Variants in CBLL1 observed in about 807,000 individuals in gnomAD.
CBLL1 encodes Cbl proto-oncogene like 1, also known as E3 ubiquitin-protein ligase Hakai.
In CBLL1, 4 loss-of-function variants were observed where a neutral mutation model predicts 44.9. The ratio of observed to expected loss-of-function variants is 0.09; its 90% CI spans 0.04 to 0.20. The LOEUF (loss-of-function observed/expected upper bound fraction) is 0.20. CBLL1 is among the 10% of genes least tolerant of loss of function. The pLI, the probability that CBLL1 is intolerant of heterozygous loss-of-function variation, is 1.00. For synonymous variants in CBLL1, 235 were observed against 202.2 expected (o/e 1.16, Z -1.38); for missense variants, 569 against 636.7 (o/e 0.89, Z 1.14).
At chr7:107,748,181 G>C (rs951628318) in intron 1 of CBLL1, among the ~76,000 whole-genome samples, 1 of 152,166 alleles carries the variant, frequency 6.6e-6, no homozygotes, top group African/African-American at 2.4e-5. Flanking sequence ...TTTAGACCTA[G>C]TTGTAGTATA....
At chr7:107,756,180 G>C (rs1214737353) in intron 5 of CBLL1, among the ~76,000 whole-genome samples, 1 of 152,146 alleles carries the variant, frequency 6.6e-6, no homozygotes, top group African/African-American at 2.4e-5. Flanking sequence ...GATAAGGAAG[G>C]CTTAAGAAAG....
rs752770951 is a variant in CBLL1, at chr7:107,759,028, A to G, written c.1326A>G (p.Pro442=). 56 of 1,613,724 alleles carry G rather than the reference A, an allele frequency of 3.5e-5. No individual in the cohort carries two copies. Among genetic ancestry groups the G allele is most frequent in the East Asian group, 1.3e-4 (6 of 44,854 alleles). ...FTEDQGTLSP[P]FTQPGGMSPG... ...AAGATCAAGGAACTCTGAGCCCTCC[A>G]TTTACACAACCAGGGGGAATGAGTC... The change falls in exon 6 of 6, where the codon CCA becomes CCG. Residue 442 remains proline (P), a synonymous_variant. Coordinates refer to ENST00000440859, the MANE Select transcript of CBLL1 (RefSeq NM_024814.4).
chr7:107,754,275 TG>T (rs1156650177), intron 4 of CBLL1: 1 of 170,430 alleles, frequency 5.9e-6, no homozygotes, highest in Non-Finnish European at 1.2e-5. Context: ...AGGAAATTTT[TG>T]TTTCTTAATA....
Position 107,753,408 on chromosome 7 carries a change from C to A in CBLL1, c.182-3C>A. ...TTAATGGGCAATACTTTTTTTTTCT[C>A]AGAAGGATTTGATTATAATGAAGAA... On this transcript the variant is annotated splice_polypyrimidine_tract_variant and splice_region_variant and intron_variant, in intron 2 of 5. Transcript: ENST00000440859. 1 of 1,554,320 alleles carries A rather than the reference C, an allele frequency of 6.4e-7. No individual in the cohort carries two copies. The highest frequency in any genetic ancestry group is 8.7e-7 in the Non-Finnish European group (1 of 1,153,938).
At chr7:107,746,129 A>G (rs1793003731) in intron 1 of CBLL1, among the ~76,000 whole-genome samples, 1 of 152,234 alleles carries the variant, frequency 6.6e-6, no homozygotes, top group South Asian at 2.1e-4. Flanking sequence ...TTTTGATGTT[A>G]GAATAGCAAA....
intron 2 of CBLL1, among the ~76,000 whole-genome samples, chr7:107,750,098 C>A (rs1052209376): frequency 1.2e-4 from 18 of 151,886 alleles, no homozygotes; most frequent in African/African-American, 4.4e-4. Flanking sequence ...GTGCACCCCA[C>A]CTGCCTGGCT....
chr7:107,755,260 G>A (rs1303578737), intron 4 of CBLL1, among the ~76,000 whole-genome samples, 158 bp from the exon 5 acceptor site: 2 of 152,056 alleles, frequency 1.3e-5, no homozygotes, highest in African/African-American at 2.4e-5. Context: ...AAGGCTTTGT[G>A]ATTGAAAAAG....
rs751435930 is a variant in CBLL1, at chr7:107,759,277, C to T, written c.*99C>T. On this transcript the variant is annotated 3_prime_UTR_variant, in exon 6 of 6. Coordinates refer to ENST00000440859, the MANE Select transcript of CBLL1 (RefSeq NM_024814.4). ...TTTGGGAAGGAAGAGTACCTCTTAT[C>T]GAGGTAGTATAAAACACATAGGGTC... 37 of 1,044,738 alleles carry T rather than the reference C, an allele frequency of 3.5e-5. No homozygotes were observed. The highest frequency in any genetic ancestry group is 4.8e-5 in the East Asian group (2 of 41,594). The allele number at this position is 1,044,738 out of a possible 1,614,324, so 64.7% of individuals were successfully genotyped here.
chr7:107,750,806 T>A (rs1379199759), intron 2 of CBLL1, among the ~76,000 whole-genome samples: 1 of 152,202 alleles, frequency 6.6e-6, no homozygotes. Flanking sequence ...GCTCATTCAT[T>A]TAAGTATTAT....
chr7:107,753,998 GT>G lies in CBLL1; in HGVS notation c.366+25del. On this transcript the variant is annotated intron_variant, in intron 4 of 5. Transcript: ENST00000440859. ...AGAATGGTAAGTATAATTAAATATTGTTTTTGTAAGTAAGCATTTGCATAGA... is the reference window on the plus strand; with the variant it reads ...AGAATGGTAAGTATAATTAAATATTGTTTTGTAAGTAAGCATTTGCATAGA... The G allele has an allele frequency of 7.0e-7, 1 of 1,438,094 alleles. No homozygotes were observed. The highest frequency in any genetic ancestry group is 1.9e-5 in the Admixed American group (1 of 53,840). 89.1% of individuals were successfully genotyped at this position (1,438,094 alleles called of 1,614,324 possible).
At position 107,758,364 on chromosome 7, in the gene CBLL1, T is replaced by C. The variant is rs1442665430; in HGVS notation, c.662T>C (p.Ile221Thr). Reference protein sequence around the residue: ...PPPTEIPERFIMPPDKHHMSH... With the variant: ...PPPTEIPERFTMPPDKHHMSH... Reference sequence around the variant, plus strand: ...CCAACTGAAATCCCTGAGCGTTTTATAATGCCACCAGACAAGCACCATATG... The same window carrying C: ...CCAACTGAAATCCCTGAGCGTTTTACAATGCCACCAGACAAGCACCATATG... Residue 221 changes from isoleucine (I) to threonine (T), a missense_variant, in exon 6 of 6, where the codon ATA becomes ACA. Ile to Thr is a moderately conservative substitution (Grantham distance 89). This residue lies in a region of CBLL1 where 111 missense variants were observed against 113.0 expected (regional missense o/e 0.98). Coordinates refer to ENST00000440859, the MANE Select transcript of CBLL1 (RefSeq NM_024814.4). The surrounding 1 kb of genome is among the most constrained non-coding windows in gnomAD (Gnocchi z 4.2). The C allele has an allele frequency of 1.2e-6, 2 of 1,614,152 alleles. No homozygotes were observed. The highest frequency in any genetic ancestry group is 1.7e-5 in the Admixed American group (1 of 60,014).
Position 107,761,275 on chromosome 7 carries a change from G to GA in CBLL1, c.*2101dup, listed in dbSNP as rs1306544522. ...ACCACTTAGCCTATGTATTGGACGAGAAAATCAGTATCATGATAAAATTTT... is the reference window on the plus strand; with the variant it reads ...ACCACTTAGCCTATGTATTGGACGAGAAAAATCAGTATCATGATAAAATTTT... On this transcript the variant is annotated 3_prime_UTR_variant, in exon 6 of 6. Transcript: ENST00000440859. 3 of 152,102 alleles carry GA rather than the reference G, an allele frequency of 2.0e-5. No individual in the cohort carries two copies. The highest frequency in any genetic ancestry group is 2.9e-5 in the Non-Finnish European group (2 of 67,882). 9.4% of individuals were successfully genotyped at this position (152,102 alleles called of 1,614,324 possible).
chr7:107,760,485 C>G lies in CBLL1; in HGVS notation c.*1307C>G, dbSNP rs900851719. 6.6e-6 allele frequency: 1 copy of G among 152,032 alleles called. No individual in the cohort carries two copies. Among genetic ancestry groups the G allele is most frequent in the African/African-American group, 2.4e-5 (1 of 41,390 alleles). 9.4% of individuals were successfully genotyped at this position (152,032 alleles called of 1,614,324 possible). ...GTGGATTTCAGTGCTTTACATGGTGCCTTTCGAGTCAGCTTTTACATTATA... is the reference window on the plus strand; with the variant it reads ...GTGGATTTCAGTGCTTTACATGGTGGCTTTCGAGTCAGCTTTTACATTATA... On this transcript the variant is annotated 3_prime_UTR_variant, in exon 6 of 6. Transcript: ENST00000440859.
chr7:107,749,141 T>A, intron 2 of CBLL1, 94 bp downstream of exon 2: 1 of 1,072,886 alleles, frequency 9.3e-7, no homozygotes, highest in Non-Finnish European at 1.3e-6. Flanking sequence ...CTTTTTGTCT[T>A]ACATATTCTA....
rs532051973 is a variant in CBLL1 at position 107,749,226 on chromosome 7, T to G, written c.181+179T>G. Reference sequence around the variant, plus strand: ...TTTATTTTCCTTTATAAATATTTTTTGATTTGGTTCCTTTTGTTGTTGAAA... The same window carrying G: ...TTTATTTTCCTTTATAAATATTTTTGGATTTGGTTCCTTTTGTTGTTGAAA... On this transcript the variant is annotated intron_variant, in intron 2 of 5. Transcript: ENST00000440859. 28 of 490,928 alleles carry G rather than the reference T, an allele frequency of 5.7e-5. No homozygotes were observed. The South Asian group carries it at 1.2e-3, about 22-fold the overall frequency. 30.4% of individuals were successfully genotyped at this position (490,928 alleles called of 1,614,324 possible).
intron 2 of CBLL1, among the ~76,000 whole-genome samples, chr7:107,750,322 T>C (rs1793227860): frequency 6.6e-6 from 1 of 152,086 alleles, no homozygotes; most frequent in Non-Finnish European, 1.5e-5. Context: ...CTTTTTTTTT[T>C]TGAGACAGAG....
chr7:107,744,544 C>T (rs957000761), intron 1 of CBLL1: 66 of 280,966 alleles, frequency 2.3e-4, no homozygotes, highest in Middle Eastern at 9.5e-4. Flanking sequence ...CTCCGAGTCG[C>T]GGAATCCTCT....
At chr7:107,754,901 G>A (rs1244947511) in intron 4 of CBLL1, among the ~76,000 whole-genome samples, 1 of 152,046 alleles carries the variant, frequency 6.6e-6, no homozygotes, top group African/African-American at 2.4e-5. Flanking sequence ...GAGGTGGGAG[G>A]ATTGCCAGAG....
intron 1 of CBLL1, among the ~76,000 whole-genome samples, chr7:107,747,621 T>C (rs1410014067): frequency 6.6e-6 from 1 of 152,228 alleles, no homozygotes; most frequent in East Asian, 1.9e-4. Context: ...CTCAAGATTC[T>C]AGCTAACCAT....
Sources: allele counts gnomAD v4.1 joint callset (sites outside exome capture counted in the v4.1 genomes callset), GRCh38; gene constraint gnomAD v4.1.1; regional missense constraint gnomAD v4.1.1; non-coding constraint Gnocchi (gnomAD v3.1); transcripts MANE v1.5; gene names NCBI Gene and HGNC (gene_info 2026-07-23, HGNC 2026-07-21).